The following ARID4B variants were observed in gnomAD, a reference collection of about 807,000 sequenced individuals.
ARID4B encodes the protein AT-rich interaction domain 4B, also known as AT-rich interactive domain-containing protein 4B.
Under a neutral mutation model 147.5 loss-of-function variants are expected in ARID4B, and 26 were observed. That is an observed-to-expected ratio of 0.18 (90% confidence interval 0.13 to 0.24). The LOEUF is 0.24. Ranked by LOEUF, ARID4B falls within the 10% of genes least tolerant of loss-of-function variation. ARID4B has a pLI of 1.00. For synonymous variants in ARID4B, 512 were observed against 507.9 expected, an observed-to-expected ratio of 1.01 and a Z score of -0.11; for missense variants, 1,179 against 1,511.5, an observed-to-expected ratio of 0.78 and a Z score of 3.65.
At chr1:235,234,583 T>C in intron 8 of ARID4B, 91 bp from the exon 9 acceptor site, 1 of 932,512 alleles carries the variant, frequency 1.1e-6, no homozygotes, top group Non-Finnish European at 1.6e-6. Flanking sequence ...AAGTGTAAGC[T>C]TGAAGTTTAA....
rs77933863 is a variant in ARID4B at position 235,291,435 on chromosome 1, A to T, written c.7-30683T>A. Among the ~76,000 whole-genome samples, 212 of 151,954 alleles carry T rather than the reference A, an allele frequency of 1.4e-3. 4 individuals carry two copies. The East Asian group carries it at 0.019, about 13-fold the overall frequency. On this transcript the variant is annotated intron_variant, in intron 2 of 23. Coordinates refer to ENST00000264183, the MANE Select transcript of ARID4B (RefSeq NM_016374.6). ...AAAAATAATAAATAAATAAATAAATAAAATAAATTTTTAATTAAAAATGAA... is the reference window on the plus strand; with the variant it reads ...AAAAATAATAAATAAATAAATAAATTAAATAAATTTTTAATTAAAAATGAA...
At chr1:235,256,669 C>A (rs774440825) in intron 4 of ARID4B, among the ~76,000 whole-genome samples, 2 of 152,124 alleles carry the variant, frequency 1.3e-5, no homozygotes, top group Non-Finnish European at 2.9e-5. Context: ...GTAAGAGCTC[C>A]GATTTTTTTG....
intron 17 of ARID4B, among the ~76,000 whole-genome samples, chr1:235,198,341 A>T (rs183878646): frequency 1.1e-3 from 162 of 152,348 alleles, no homozygotes; most frequent in African/African-American, 3.7e-3. Context: ...TTAAGAATAC[A>T]TGCATGATAT....
At chr1:235,262,459 C>T (rs1387708145) in intron 2 of ARID4B, among the ~76,000 whole-genome samples, 6 of 152,158 alleles carry the variant, frequency 3.9e-5, no homozygotes, top group Admixed American at 3.9e-4. Context: ...ATCATTTCTG[C>T]ACTAATACTT....
At chr1:235,219,342 AAAAC>A (rs1433017582) in intron 16 of ARID4B, among the ~76,000 whole-genome samples, 15 of 152,200 alleles carry the variant, frequency 9.9e-5, no homozygotes, top group African/African-American at 3.4e-4. Flanking sequence ...CCAAGTGACT[AAAAC>A]AAACAAATGC....
intron 6 of ARID4B, 98 bp from the exon 7 acceptor site, chr1:235,246,609 G>A: frequency 1.3e-6 from 1 of 795,296 alleles, no homozygotes; most frequent in Non-Finnish European, 2.1e-6. Context: ...CAGATTTTGA[G>A]ATTAAACTCT....
intron 2 of ARID4B, among the ~76,000 whole-genome samples, chr1:235,289,211 G>A (rs533084595): frequency 6.6e-6 from 1 of 152,290 alleles, no homozygotes; most frequent in South Asian, 2.1e-4. Flanking sequence ...GGAATTCAAT[G>A]TATGACTTAC....
At chr1:235,296,918 C>G (rs551180809) in intron 2 of ARID4B, among the ~76,000 whole-genome samples, 1 of 149,354 alleles carries the variant, frequency 6.7e-6, no homozygotes, top group South Asian at 2.2e-4. Flanking sequence ...ATGACCAACC[C>G]AGCAGCAATG....
At chr1:235,198,207 GCTAT>G (rs1241044477) in intron 17 of ARID4B, among the ~76,000 whole-genome samples, 1 of 152,132 alleles carries the variant, frequency 6.6e-6, no homozygotes, top group Non-Finnish European at 1.5e-5. Flanking sequence ...TTAACCAAAG[GCTAT>G]CTGTTCTGTA....
chr1:235,286,273 A>T (rs1671968154), intron 2 of ARID4B, among the ~76,000 whole-genome samples: 1 of 152,128 alleles, frequency 6.6e-6, no homozygotes, highest in Non-Finnish European at 1.5e-5. Context: ...GACTCAAGTG[A>T]TCCTCCCACC....
chr1:235,297,055 TAAAG>T (rs1230413171), intron 2 of ARID4B, among the ~76,000 whole-genome samples: 2 of 152,064 alleles, frequency 1.3e-5, no homozygotes, highest in Non-Finnish European at 2.9e-5. Flanking sequence ...CAGGGTTCCT[TAAAG>T]AAATAGCTGA....
chr1:235,324,765 C>G (rs2103317920), intron 2 of ARID4B, among the ~76,000 whole-genome samples: 1 of 152,276 alleles, frequency 6.6e-6, no homozygotes, highest in African/African-American at 2.4e-5. Flanking sequence ...GGCAAAACCT[C>G]ATCTCTACAA....
intron 2 of ARID4B, among the ~76,000 whole-genome samples, chr1:235,269,181 T>C (rs1670811007): frequency 1.3e-5 from 2 of 152,168 alleles, no homozygotes; most frequent in African/African-American, 2.4e-5. Flanking sequence ...AATGAATGAA[T>C]GAATGTTTTA....
chr1:235,221,833 A>G (rs555305471), intron 13 of ARID4B, among the ~76,000 whole-genome samples, 171 bp from the exon 14 acceptor site: 19 of 148,602 alleles, frequency 1.3e-4, no homozygotes, highest in African/African-American at 4.5e-4. Context: ...AGGTTTTAGT[A>G]CTCTAACAAA....
At chr1:235,255,265 A>AGATCTATCTATCTATC (rs1239708915) in intron 5 of ARID4B, among the ~76,000 whole-genome samples, 1 of 64,582 alleles carries the variant, frequency 1.5e-5, no homozygotes, top group African/African-American at 6.9e-5. Flanking sequence ...ATAGATAGAT[A>AGATCTATCTATCTATC]TATATCTCTC....
Position 235,246,439 on chromosome 1 carries a change from C to T in ARID4B, c.427G>A (p.Gly143Arg), listed in dbSNP as rs1341706539. The change falls in exon 7 of 24, where the codon GGA becomes AGA. Residue 143 changes from glycine to arginine, a missense_variant. Gly to Arg is a moderately radical substitution (Grantham distance 125). Around this residue, in one of 10 missense-constraint regions of ARID4B, gnomAD observed 19 missense variants for 46.7 expected, o/e 0.41. Coordinates refer to ENST00000264183, the MANE Select transcript of ARID4B (RefSeq NM_016374.6). ...TPVIGKKTNR[G>R]RRSNHIPEEE... ...ACTTACATATGATTAGATCTTCTTC[C>T]TCTATTTGTTTTCTTTCCTATGACT... The T allele has an allele frequency of 1.2e-6, 2 of 1,611,100 alleles. No individual in the cohort carries two copies. The highest frequency in any genetic ancestry group is 1.1e-5 in the South Asian group (1 of 91,028).
chr1:235,294,398 C>T (rs1251109617), intron 2 of ARID4B, among the ~76,000 whole-genome samples: 3 of 136,988 alleles, frequency 2.2e-5, no homozygotes, highest in South Asian at 5.0e-4. Flanking sequence ...CTGCAACCTC[C>T]GCCTCCCGGG....
At chr1:235,187,979 T>A (rs893426372) in intron 19 of ARID4B, among the ~76,000 whole-genome samples, 2 of 152,092 alleles carry the variant, frequency 1.3e-5, no homozygotes, top group African/African-American at 4.8e-5. Context: ...TGTGCCGATT[T>A]GGAAAGATTT....
At chr1:235,246,327 C>A in intron 7 of ARID4B, 93 bp downstream of exon 7, 1 of 1,019,624 alleles carries the variant, frequency 9.8e-7, no homozygotes, top group Admixed American at 2.0e-5. Context: ...ATCTGGTTAG[C>A]ATTTTGCAAA....
Sources: gnomAD v4.1 joint callset for allele counts (sites outside exome capture counted in the v4.1 genomes callset) on GRCh38, gnomAD v4.1.1 for gene constraint, gnomAD v4.1.1 regional missense constraint, MANE v1.5 for transcripts, NCBI Gene and HGNC (gene_info 2026-07-23, HGNC 2026-07-21) for gene names.